Variants in TSC22D1 observed in about 807,000 individuals in gnomAD.
TSC22D1 encodes the protein TSC22 domain family member 1, also known as TSC22 domain family protein 1.
In TSC22D1, 9 loss-of-function variants were observed where a neutral mutation model predicts 74.2. That is an observed-to-expected ratio of 0.12 (90% CI 0.07 to 0.21). TSC22D1 has a LOEUF of 0.21. TSC22D1 is among the 10% of genes least tolerant of loss of function. The probability of loss-of-function intolerance (pLI) is 1.00; values close to 1 mark genes in which losing one functional copy is unlikely to be tolerated. For missense variants in TSC22D1, 1,427 were observed against 1,304.7 expected (o/e 1.09, Z -1.44); for synonymous variants, 586 against 492.5 (o/e 1.19, Z -2.51).
At chr13:44,555,333 G>A (rs1882563137) in intron 1 of TSC22D1, among the ~76,000 whole-genome samples, 1 of 152,114 alleles carries the variant, frequency 6.6e-6, no homozygotes, top group African/African-American at 2.4e-5. Context: ...CGTAGGTCGG[G>A]CGTGGTGCGT....
In TSC22D1 at chr13:44,434,561, C is replaced by T. The variant is rs1874357938; in HGVS notation, c.*65G>A. The T allele has an allele frequency of 2.7e-6, 4 of 1,489,944 alleles. No individual in the cohort carries two copies. Among genetic ancestry groups the T allele is most frequent in the Admixed American group, 5.0e-5 (2 of 40,276 alleles). 92.3% of individuals were successfully genotyped at this position (1,489,944 alleles called of 1,614,324 possible). A position where few individuals can be genotyped will look rare whatever the true frequency, so the allele number is the denominator to read the frequency against. On this transcript the variant is annotated 3_prime_UTR_variant, in exon 3 of 3. Coordinates refer to ENST00000458659, the MANE Select transcript of TSC22D1 (RefSeq NM_183422.4). ...TGGGTGACTGTGGAGGCAGATTCTC[C>T]CTAGCACATCTTCTCCGTCTGTTCA...
intron 1 of TSC22D1, among the ~76,000 whole-genome samples, chr13:44,496,700 A>G (rs1423329582): frequency 6.6e-6 from 1 of 151,916 alleles, no homozygotes; most frequent in East Asian, 1.9e-4. Context: ...AAATAGTAAT[A>G]ATAATAAAAA....
intron 1 of TSC22D1, among the ~76,000 whole-genome samples, chr13:44,495,943 G>T (rs1878953234): frequency 6.6e-6 from 1 of 152,144 alleles, no homozygotes; most frequent in African/African-American, 2.4e-5. Flanking sequence ...ACAATAGACA[G>T]ATATAATACC....
intron 1 of TSC22D1, among the ~76,000 whole-genome samples, chr13:44,449,609 A>G (rs755373122): frequency 1.3e-5 from 2 of 152,130 alleles, no homozygotes; most frequent in Non-Finnish European, 1.5e-5. Context: ...ATCTCCTTCC[A>G]TATCATCTTA....
intron 1 of TSC22D1, among the ~76,000 whole-genome samples, chr13:44,457,837 G>A (rs1051894876): frequency 1.9e-4 from 29 of 152,094 alleles, no homozygotes; most frequent in African/African-American, 7.0e-4. Context: ...TAAGAAAACT[G>A]CAAAAAGAAT....
chr13:44,523,115 C>A (rs181250552), intron 1 of TSC22D1, among the ~76,000 whole-genome samples: 2 of 151,798 alleles, frequency 1.3e-5, no homozygotes, highest in East Asian at 3.9e-4. Context: ...TACTACCACA[C>A]CCCTATTAGA....
At chr13:44,448,617 G>C (rs1439025802) in intron 1 of TSC22D1, among the ~76,000 whole-genome samples, 1 of 152,074 alleles carries the variant, frequency 6.6e-6, no homozygotes, top group African/African-American at 2.4e-5. Context: ...TTCGATCAAG[G>C]GACACATTTC....
intron 1 of TSC22D1, among the ~76,000 whole-genome samples, chr13:44,534,709 T>C (rs1782734752): frequency 1.3e-5 from 2 of 152,158 alleles, no homozygotes; most frequent in African/African-American, 4.8e-5. Flanking sequence ...CGAGTTACAG[T>C]GCTAAGTAAA....
At chr13:44,490,937 A>AT (rs35286764) in intron 1 of TSC22D1, among the ~76,000 whole-genome samples, 50,530 of 149,582 alleles carry the variant, frequency 0.34, 10,059 homozygotes, top group Middle Eastern at 0.53. Flanking sequence ...CATTAAAAAA[A>AT]ATATATATAC....
chr13:44,456,885 T>C (rs537349810), intron 1 of TSC22D1, among the ~76,000 whole-genome samples: 1 of 152,334 alleles, frequency 6.6e-6, no homozygotes, highest in South Asian at 2.1e-4. Flanking sequence ...TATTAATATT[T>C]AGAAGGGCTA....
chr13:44,460,508 A>AT (rs112524486), intron 1 of TSC22D1, among the ~76,000 whole-genome samples: 15,055 of 152,010 alleles, frequency 0.099, 777 homozygotes, highest in Non-Finnish European at 0.11. Context: ...GATTCCTAAT[A>AT]TTTTTTTACT....
chr13:44,459,929 A>G (rs1204762049), intron 1 of TSC22D1, among the ~76,000 whole-genome samples: 1 of 152,166 alleles, frequency 6.6e-6, no homozygotes, highest in East Asian at 1.9e-4. Flanking sequence ...CTTGGCAGGC[A>G]TGGGATCCAG....
chr13:44,544,776 G>A (rs953346313), intron 1 of TSC22D1, among the ~76,000 whole-genome samples: 9 of 151,794 alleles, frequency 5.9e-5, no homozygotes, highest in Admixed American at 1.3e-4. Context: ...AATGTTACCG[G>A]TATTCAAGTT....
chr13:44,539,259 T>A, intron 1 of TSC22D1: 1 of 985,348 alleles, frequency 1.0e-6, no homozygotes, highest in Non-Finnish European at 1.2e-6. Flanking sequence ...AGTAAAACCA[T>A]AATAGTACTA....
At position 44,573,687 on chromosome 13, in the gene TSC22D1, C is replaced by T. The variant is rs1566184972; in HGVS notation, c.2388G>A (p.Leu796=). Residue 796 remains leucine, a synonymous_variant, in exon 1 of 3, where the codon TTG becomes TTA. Coordinates refer to ENST00000458659, the MANE Select transcript of TSC22D1 (RefSeq NM_183422.4). ...CTTGTGGCTGGGGAGGCACAGTTAA[C>T]AAGGAACTTTGGGATGCAATAACCA... ...QQLVIASQSS[L]LTVPPQPQGV... 6.2e-7 allele frequency: 1 copy of T among 1,614,190 alleles called. No individual in the cohort carries two copies.
intron 1 of TSC22D1, among the ~76,000 whole-genome samples, chr13:44,483,496 C>T (rs895776464): frequency 1.3e-5 from 2 of 152,008 alleles, no homozygotes; most frequent in African/African-American, 2.4e-5. Flanking sequence ...GCCGTCTCTA[C>T]TACAAATACA....
intron 1 of TSC22D1, chr13:44,452,838 G>T (rs1257338565): frequency 6.6e-6 from 1 of 152,282 alleles, no homozygotes; most frequent in Admixed American, 6.5e-5. Context: ...GTAAGTGCTT[G>T]GCTAAAACCG....
At chr13:44,458,688 C>T (rs1876814719) in intron 1 of TSC22D1, among the ~76,000 whole-genome samples, 1 of 152,176 alleles carries the variant, frequency 6.6e-6, no homozygotes, top group Non-Finnish European at 1.5e-5. Context: ...CCCGATCCTG[C>T]TCTCTGGTCT....
At chr13:44,477,644 T>C (rs9533870) in intron 1 of TSC22D1, among the ~76,000 whole-genome samples, 16,844 of 148,758 alleles carry the variant, frequency 0.11, 980 homozygotes, top group Non-Finnish European at 0.13. Flanking sequence ...ATAGATTTTT[T>C]TTTTTTTTTT....
Sources: allele counts gnomAD v4.1 joint callset (sites outside exome capture counted in the v4.1 genomes callset), GRCh38; gene constraint gnomAD v4.1.1; transcripts MANE v1.5; gene names NCBI Gene and HGNC (gene_info 2026-07-23, HGNC 2026-07-21).